The following ARHGAP26 variants were observed in gnomAD, a reference collection of about 807,000 sequenced individuals.
ARHGAP26 encodes the protein rho GTPase-activating protein 26.
ARHGAP26 carries 38 observed loss-of-function variants against 104.8 expected under a neutral mutation model. The observed-to-expected ratio is 0.36, with a 90% CI of 0.28 to 0.48. ARHGAP26 has a LOEUF of 0.48. Among genes scored for constraint, ARHGAP26 ranks in the 20% least tolerant of loss-of-function variants. ARHGAP26 has a pLI of 0.99. For missense variants in ARHGAP26, 704 were observed against 947.9 expected (o/e 0.74, Z 3.38); for synonymous variants, 341 against 340.0 (o/e 1.00, Z -0.03).
chr5:143,071,242 T>C lies in ARHGAP26; in HGVS notation c.1538+13495T>C, dbSNP rs189632828. Among the ~76,000 whole-genome samples, 243 of 152,274 alleles carry C rather than the reference T, an allele frequency of 1.6e-3. 1 individual carries two copies. Among genetic ancestry groups the C allele is most frequent in the South Asian group, 0.012 (59 of 4,824 alleles). On this transcript the variant is annotated intron_variant, in intron 17 of 22. Coordinates refer to ENST00000645722, the MANE Select transcript of ARHGAP26 (RefSeq NM_001135608.3). ...CTCAAAATATACTACGAAGCTGTAG[T>C]AACCAAAGCAGCATGGTACTGGCAT...
intron 1 of ARHGAP26, among the ~76,000 whole-genome samples, chr5:142,852,976 C>T (rs1360584417): frequency 2.0e-5 from 3 of 152,116 alleles, no homozygotes; most frequent in Non-Finnish European, 2.9e-5. Flanking sequence ...GCTTTGAAAC[C>T]TTTGACCTCC....
At chr5:143,013,994 A>G in intron 11 of ARHGAP26, 86 bp from the exon 12 acceptor site, 1 of 1,363,424 alleles carries the variant, frequency 7.3e-7, no homozygotes, top group Non-Finnish European at 1.0e-6. Flanking sequence ...CAAACTAGGG[A>G]AAGTGAGGAA....
intron 20 of ARHGAP26, among the ~76,000 whole-genome samples, chr5:143,196,762 GT>G (rs1806902206): frequency 6.6e-6 from 1 of 152,220 alleles, no homozygotes; most frequent in Non-Finnish European, 1.5e-5. Flanking sequence ...CTTGTTTACA[GT>G]ATGAGAGCTG....
rs547484077 is a variant in ARHGAP26 at position 142,985,871 on chromosome 5, G to GTAT, written c.1108-28208_1108-28206dup. Among the ~76,000 whole-genome samples the GTAT allele has an allele frequency of 2.6e-5, 4 of 152,132 alleles. No individual in the cohort carries two copies. The South Asian group carries it at 8.3e-4, about 32-fold the overall frequency. Reference sequence around the variant, plus strand: ...TTATGGCTGCATAGTATTCCATGGTGTATATGTGCCACATTTTTTAAATCC... The same window carrying GTAT: ...TTATGGCTGCATAGTATTCCATGGTGTATTATATGTGCCACATTTTTTAAATCC... On this transcript the variant is annotated intron_variant, in intron 11 of 22. Transcript: ENST00000645722.
At chr5:142,909,702 C>A (rs937116795) in intron 9 of ARHGAP26, among the ~76,000 whole-genome samples, 3 of 152,184 alleles carry the variant, frequency 2.0e-5, no homozygotes, top group African/African-American at 7.2e-5. Context: ...TAAAAACCTA[C>A]ATTATTAGGT....
At chr5:143,009,736 A>G (rs1778475814) in intron 11 of ARHGAP26, among the ~76,000 whole-genome samples, 1 of 152,244 alleles carries the variant, frequency 6.6e-6, no homozygotes, top group Non-Finnish European at 1.5e-5. Context: ...ATCTTCATAT[A>G]CAATGGTCAG....
intron 4 of ARHGAP26, 148 bp downstream of exon 4, chr5:142,879,593 G>T: frequency 2.8e-6 from 2 of 723,570 alleles, no homozygotes; most frequent in South Asian, 4.0e-5. Context: ...ACTCTATAGA[G>T]CCCAACTCAT....
At chr5:142,858,373 A>G (rs953116129) in intron 1 of ARHGAP26, among the ~76,000 whole-genome samples, 8 of 152,170 alleles carry the variant, frequency 5.3e-5, no homozygotes, top group African/African-American at 1.7e-4. Context: ...TAAGGAAGAA[A>G]GTGAGTGGGG....
At position 143,045,046 on chromosome 5, in the gene ARHGAP26, T is replaced by C. The variant is rs186021280; in HGVS notation, c.1285+3156T>C. On this transcript the variant is annotated intron_variant, in intron 14 of 22. Coordinates refer to ENST00000645722, the MANE Select transcript of ARHGAP26 (RefSeq NM_001135608.3). ...GACATTTTAGACTGGTTTGCTAATC[T>C]AAAAAAGAAGCACTTTAGCTCAGTT... Among the ~76,000 whole-genome samples the C allele has an allele frequency of 3.9e-5, 6 of 152,338 alleles. No homozygotes were observed. The East Asian group carries it at 1.2e-3, about 29-fold the overall frequency.
intron 8 of ARHGAP26, among the ~76,000 whole-genome samples, chr5:142,906,746 C>T (rs972306852): frequency 3.9e-5 from 6 of 152,188 alleles, no homozygotes; most frequent in Admixed American, 3.3e-4. Context: ...TTGTCCTTGA[C>T]GGCCCAGTGG....
At chr5:142,826,261 A>G (rs755830448) in intron 1 of ARHGAP26, among the ~76,000 whole-genome samples, 4 of 152,228 alleles carry the variant, frequency 2.6e-5, no homozygotes, top group Non-Finnish European at 5.9e-5. Context: ...AGATTTCCAG[A>G]TAACTGGAGA....
At chr5:143,004,518 AG>A (rs1777668957) in intron 11 of ARHGAP26, among the ~76,000 whole-genome samples, 1 of 152,292 alleles carries the variant, frequency 6.6e-6, no homozygotes, top group South Asian at 2.1e-4. Context: ...TCTAGACAGA[AG>A]GGGGCTTAGG....
At chr5:142,945,927 C>T (rs27131) in intron 11 of ARHGAP26, among the ~76,000 whole-genome samples, 12,219 of 152,164 alleles carry the variant, frequency 0.08, 755 homozygotes, top group East Asian at 0.26. Flanking sequence ...GTTGTCACAT[C>T]TCCTCAGTCT....
intron 17 of ARHGAP26, among the ~76,000 whole-genome samples, chr5:143,099,837 AT>A (rs1792956971): frequency 6.6e-6 from 1 of 152,244 alleles, no homozygotes; most frequent in Non-Finnish European, 1.5e-5. Flanking sequence ...TAAAATAGTT[AT>A]GTTTCAAAAA....
At chr5:143,047,270 G>C (rs1421723041) in intron 14 of ARHGAP26, among the ~76,000 whole-genome samples, 6 of 152,198 alleles carry the variant, frequency 3.9e-5, no homozygotes, top group African/African-American at 1.4e-4. Context: ...GATTAGACAA[G>C]TTACAGTTCC....
At chr5:143,083,921 A>G (rs1262546057) in intron 17 of ARHGAP26, among the ~76,000 whole-genome samples, 3 of 152,254 alleles carry the variant, frequency 2.0e-5, no homozygotes, top group Non-Finnish European at 4.4e-5. Flanking sequence ...AAGTCATTAT[A>G]TTACGTGTCA....
At chr5:143,045,153 T>C (rs1396980633) in intron 14 of ARHGAP26, among the ~76,000 whole-genome samples, 1 of 152,216 alleles carries the variant, frequency 6.6e-6, no homozygotes, top group Non-Finnish European at 1.5e-5. Flanking sequence ...ATTTGTCTTG[T>C]TCTCTTCCTT....
intron 11 of ARHGAP26, among the ~76,000 whole-genome samples, chr5:142,965,871 G>A (rs1267612298): frequency 6.6e-6 from 1 of 152,202 alleles, no homozygotes; most frequent in Non-Finnish European, 1.5e-5. Context: ...ACTGGGAGTA[G>A]AGGGGAGTTT....
chr5:142,860,008 CTTACT>C (rs1400350474), intron 1 of ARHGAP26: 1 of 152,202 alleles, frequency 6.6e-6, no homozygotes, highest in Non-Finnish European at 1.5e-5. Context: ...TTACCTTGCA[CTTACT>C]TTGAGTCTCA....
Sources: allele counts gnomAD v4.1 joint callset (sites outside exome capture counted in the v4.1 genomes callset), GRCh38; gene constraint gnomAD v4.1.1; transcripts MANE v1.5; gene names NCBI Gene and HGNC (gene_info 2026-07-23, HGNC 2026-07-21).